The following USP34 variants were observed in gnomAD, a reference collection of about 807,000 sequenced individuals.
USP34 encodes the protein ubiquitin carboxyl-terminal hydrolase 34.
In USP34, 70 loss-of-function variants were observed where a neutral mutation model predicts 460.3. The ratio of observed to expected loss-of-function variants is 0.15; its 90% CI spans 0.13 to 0.19. The LOEUF is 0.19. USP34 is among the 10% of genes least tolerant of loss of function. The pLI is 1.00. For missense variants in USP34, 3,985 were observed against 4,236.2 expected (o/e 0.94, Z 1.65); for synonymous variants, 1,647 against 1,405.3 (o/e 1.17, Z -3.85).
At chr2:61,389,586 T>G (rs1160604430) in intron 5 of USP34, among the ~76,000 whole-genome samples, 1 of 152,136 alleles carries the variant, frequency 6.6e-6, no homozygotes, top group African/African-American at 2.4e-5. Context: ...ATAAAAGTAA[T>G]GAAAACAAAA....
chr2:61,234,581 A>G (rs186445181), intron 57 of USP34, among the ~76,000 whole-genome samples: 28 of 152,250 alleles, frequency 1.8e-4, no homozygotes, highest in Admixed American at 3.3e-4. Flanking sequence ...TAAGAGAGGG[A>G]TGGAAGAAAT....
rs1037747226 is a variant in USP34, at chr2:61,277,980, C to T, written c.5433+185G>A. On this transcript the variant is annotated intron_variant, in intron 41 of 79. Transcript: ENST00000398571. Reference sequence around the variant, plus strand: ...GCTCGGACTTGCCCGGACTTGCCTTCCGGCACGATTGTGAGGCCTCCCCAG... The same window carrying T: ...GCTCGGACTTGCCCGGACTTGCCTTTCGGCACGATTGTGAGGCCTCCCCAG... 11 of 730,548 alleles carry T rather than the reference C, an allele frequency of 1.5e-5. No homozygotes were observed. In the African/African-American group the frequency reaches 2.0e-4, roughly 13 times the overall value. 45.3% of individuals were successfully genotyped at this position (730,548 alleles called of 1,614,324 possible).
chr2:61,253,769 C>G (rs1291478804), intron 48 of USP34, among the ~76,000 whole-genome samples: 1 of 149,936 alleles, frequency 6.7e-6, no homozygotes, highest in Non-Finnish European at 1.5e-5. Flanking sequence ...TAGTCTTGCT[C>G]TGTCACCCAG....
At chr2:61,288,965 A>G in intron 33 of USP34, 88 bp from the exon 34 acceptor site, 1 of 1,351,778 alleles carries the variant, frequency 7.4e-7, no homozygotes, top group East Asian at 2.5e-5. Flanking sequence ...ACCAGAAAAT[A>G]AAAATAATTA....
At chr2:61,344,272 T>C (rs1238241816) in intron 15 of USP34, among the ~76,000 whole-genome samples, 2 of 152,150 alleles carry the variant, frequency 1.3e-5, no homozygotes, top group Non-Finnish European at 2.9e-5. Context: ...TAAAACAAAT[T>C]CAAAGAACAA....
chr2:61,376,171 T>C (rs754512579), intron 8 of USP34, among the ~76,000 whole-genome samples: 2 of 152,230 alleles, frequency 1.3e-5, no homozygotes, highest in Admixed American at 6.5e-5. Context: ...ATAAAATTCA[T>C]TGACTTGTAT....
chr2:61,324,042 G>T (rs1014948853), intron 21 of USP34, among the ~76,000 whole-genome samples: 2 of 152,160 alleles, frequency 1.3e-5, no homozygotes, highest in East Asian at 1.9e-4. Flanking sequence ...GAGTCATGAC[G>T]ACTCCTAGCA....
chr2:61,411,966 G>T (rs1240671562), intron 2 of USP34, among the ~76,000 whole-genome samples: 1 of 152,000 alleles, frequency 6.6e-6, no homozygotes, highest in African/African-American at 2.4e-5. Flanking sequence ...GAGGCGGGTG[G>T]ATCACCTGAG....
intron 51 of USP34, 151 bp from the exon 52 acceptor site, chr2:61,241,970 G>T: frequency 2.2e-6 from 1 of 464,792 alleles, no homozygotes; most frequent in Middle Eastern, 5.7e-4. Context: ...AAAATTCTAC[G>T]TACTTCACAA....
In USP34 at chr2:61,188,030, T is replaced by C; in HGVS notation, c.*72A>G. ...GGACAAACTGAAGCACAAAAACAAA[T>C]AAGCAAAACTTATACAAACAGCATG... On this transcript the variant is annotated 3_prime_UTR_variant, in exon 80 of 80. Coordinates refer to ENST00000398571, the MANE Select transcript of USP34 (RefSeq NM_014709.4). The C allele has an allele frequency of 6.5e-7, 1 of 1,529,520 alleles. No individual in the cohort carries two copies. The allele number at this position is 1,529,520 out of a possible 1,614,324, so 94.7% of individuals were successfully genotyped here.
intron 32 of USP34, among the ~76,000 whole-genome samples, chr2:61,293,825 G>A (rs1689934902): frequency 6.6e-6 from 1 of 152,006 alleles, no homozygotes; most frequent in South Asian, 2.1e-4. Flanking sequence ...GACCAGCCTA[G>A]ACAACATAGG....
chr2:61,314,796 T>C, intron 24 of USP34, 52 bp from the exon 25 acceptor site: 2 of 1,585,172 alleles, frequency 1.3e-6, no homozygotes, highest in East Asian at 2.2e-5. Context: ...CTTGTTTAGC[T>C]ATATCAAAGA....
chr2:61,307,716 C>A (rs946665844), intron 27 of USP34, among the ~76,000 whole-genome samples: 1 of 151,776 alleles, frequency 6.6e-6, no homozygotes, highest in African/African-American at 2.4e-5. Flanking sequence ...ACCAGAAGAC[C>A]GAGAGTACAA....
rs935484864 is a variant in USP34, at chr2:61,191,373, A to C, written c.9589-715T>G. The C allele has an allele frequency of 2.6e-5, 4 of 151,820 alleles. No homozygotes were observed. The East Asian group carries it at 7.7e-4, about 29-fold the overall frequency. 9.4% of individuals were successfully genotyped at this position (151,820 alleles called of 1,614,324 possible). ...TGGAAAAAAGCAATATATTTTTTAA[A>C]TAGGACAAAATTTAGATTATATATA... On this transcript the variant is annotated intron_variant, in intron 76 of 79. Transcript: ENST00000398571.
At chr2:61,427,162 G>C (rs1183645629) in intron 1 of USP34, among the ~76,000 whole-genome samples, 5 of 152,146 alleles carry the variant, frequency 3.3e-5, no homozygotes, top group Non-Finnish European at 5.9e-5. Flanking sequence ...CGAGTAGCTG[G>C]GACTACAGGT....
At position 61,348,114 on chromosome 2, in the gene USP34, A is replaced by G. The variant is rs758110889; in HGVS notation, c.2041T>C (p.Ser681Pro). Residue 681 changes from serine to proline, a missense_variant, in exon 15 of 80, where the codon TCA becomes CCA. This residue lies in a region of USP34 where 716 missense variants were observed against 626.2 expected (regional missense o/e 1.14). Coordinates refer to ENST00000398571, the MANE Select transcript of USP34 (RefSeq NM_014709.4). ...TGKDLVFNTE[S>P]LPSVDNRMRM... is the part of the protein sequence containing the mutation. The stretch of plus-strand genomic sequence containing the variant: ...ATTCGATTATCTACTGATGGCAATG[A>G]TTCAGTGTTAAAAACCAGGTCCTTT... The G allele has an allele frequency of 6.2e-7, 1 of 1,614,158 alleles. No homozygotes were observed. The highest frequency in any genetic ancestry group is 1.7e-5 in the Admixed American group (1 of 60,032).
At chr2:61,343,075 T>C (rs1691655704) in intron 16 of USP34, among the ~76,000 whole-genome samples, 1 of 152,246 alleles carries the variant, frequency 6.6e-6, no homozygotes, top group Non-Finnish European at 1.5e-5. Context: ...AGTGTGTTTA[T>C]GGCCTCTTTG....
At chr2:61,334,069 TGC>T in intron 18 of USP34, 98 bp from the exon 19 acceptor site, 8 of 783,114 alleles carry the variant, frequency 1.0e-5, no homozygotes, top group Non-Finnish European at 1.5e-5. Context: ...TAATGAATCT[TGC>T]ATAGAGACAT....
At chr2:61,403,450 T>C (rs1276573791) in intron 3 of USP34, among the ~76,000 whole-genome samples, 2 of 152,328 alleles carry the variant, frequency 1.3e-5, no homozygotes, top group African/African-American at 4.8e-5. Flanking sequence ...CAAGTTAAGA[T>C]ATTAAAGCAC....
Sources: gnomAD v4.1 joint callset for allele counts (sites outside exome capture counted in the v4.1 genomes callset) on GRCh38, gnomAD v4.1.1 for gene constraint, gnomAD v4.1.1 regional missense constraint, MANE v1.5 for transcripts, NCBI Gene and HGNC (gene_info 2026-07-23, HGNC 2026-07-21) for gene names.